KL: variants seen among roughly 807,000 people sequenced by gnomAD.
KL encodes the protein alpha-klotho.
A neutral mutation model predicts 84.2 loss-of-function variants in KL; 62 were observed. The observed-to-expected ratio is 0.74, with a 90% CI of 0.60 to 0.91. The LOEUF (loss-of-function observed/expected upper bound fraction) is 0.91. KL is among the 40% of genes least tolerant of loss of function. The probability of loss-of-function intolerance (pLI) is 0.00; values close to 1 mark genes in which losing one functional copy is unlikely to be tolerated. For synonymous variants in KL, 528 were observed against 528.0 expected, an observed-to-expected ratio of 1.00 and a Z score of 0.00; for missense variants, 1,261 against 1,305.7, an observed-to-expected ratio of 0.97 and a Z score of 0.53.
At position 33,018,931 on chromosome 13, in the gene KL, T is replaced by C. The variant is rs150902757; in HGVS notation, c.819+1672T>C. ...AAGACTTGCGTGCTCTCTGGTGCTC[T>C]GGTGTTTTAAATAATCAACATGTTT... On this transcript the variant is annotated intron_variant, in intron 1 of 4. Transcript: ENST00000380099. Among the ~76,000 whole-genome samples, 618 of 152,340 alleles carry C rather than the reference T, an allele frequency of 4.1e-3. 6 individuals are homozygous for C. Among genetic ancestry groups the C allele is most frequent in the African/African-American group, 0.014 (570 of 41,570 alleles).
intron 1 of KL, among the ~76,000 whole-genome samples, chr13:33,047,135 G>A (rs188047123): frequency 1.2e-3 from 182 of 152,124 alleles, no homozygotes; most frequent in Non-Finnish European, 4.7e-4. Context: ...TAGGTGGGTG[G>A]CATGTTCTAT....
In KL at chr13:33,061,026, C is replaced by A. The variant is rs1300533571; in HGVS notation, c.1947C>A (p.Arg649=). The change falls in exon 4 of 5, where the codon CGC becomes CGA. Residue 649 remains arginine, a synonymous_variant. Transcript: ENST00000380099. ...TGGCCCCGAACCAAGGACTGCCGCG[C>A]CTCCTGGCCAGGCAGGGCGCCTGGG... ...QPMAPNQGLP[R]LLARQGAWEN... The A allele has an allele frequency of 6.2e-7, 1 of 1,612,276 alleles. No homozygotes were observed. Among genetic ancestry groups the A allele is most frequent in the South Asian group, 1.1e-5 (1 of 90,994 alleles).
chr13:33,038,136 A>G (rs893704492), intron 1 of KL, among the ~76,000 whole-genome samples: 2 of 152,342 alleles, frequency 1.3e-5, no homozygotes, highest in East Asian at 3.9e-4. Flanking sequence ...TCACTGTCTC[A>G]GAAATTTATG....
At chr13:33,045,154 C>T (rs1280127764) in intron 1 of KL, among the ~76,000 whole-genome samples, 1 of 152,142 alleles carries the variant, frequency 6.6e-6, no homozygotes, top group Non-Finnish European at 1.5e-5. Flanking sequence ...TTGGACTGTT[C>T]ATTGCTATTG....
Position 33,064,158 on chromosome 13 carries a change from C to T in KL, c.3011C>T (p.Ser1004Leu), listed in dbSNP as rs770254221. 87 of 1,608,720 alleles carry T rather than the reference C, an allele frequency of 5.4e-5. No individual in the cohort carries two copies. Among genetic ancestry groups the T allele is most frequent in the African/African-American group, 1.6e-4 (12 of 74,676 alleles). The change falls in exon 5 of 5, where the codon TCG becomes TTG. Residue 1004 changes from serine to leucine, a missense_variant. Transcript: ENST00000380099. ...TCTCTCTCCCTTATATTTTACTACT[C>T]GAAGAAAGGCAGAAGAAGTTACAAA... The part of the protein sequence containing the change: ...IISLSLIFYY[S>L]KKGRRSYK
At chr13:33,034,314 G>T (rs904418119) in intron 1 of KL, among the ~76,000 whole-genome samples, 18 of 152,188 alleles carry the variant, frequency 1.2e-4, no homozygotes, top group Non-Finnish European at 1.6e-4. Flanking sequence ...TCATTCTCTG[G>T]GGGTGAAGAA....
At chr13:33,046,527 C>T (rs925352445) in intron 1 of KL, among the ~76,000 whole-genome samples, 5 of 151,972 alleles carry the variant, frequency 3.3e-5, no homozygotes, top group African/African-American at 1.2e-4. Flanking sequence ...CTTCTTTTCT[C>T]TTTTTTTCTC....
In KL at chr13:33,065,125, A is replaced by C. The variant is rs898831401; in HGVS notation, c.*939A>C. The C allele has an allele frequency of 4.4e-6, 1 of 225,956 alleles. No individual in the cohort carries two copies. The highest frequency in any genetic ancestry group is 6.4e-5 in the East Asian group (1 of 15,566). 14.0% of individuals were successfully genotyped at this position (225,956 alleles called of 1,614,324 possible). A position where few individuals can be genotyped will look rare whatever the true frequency, so the allele number is the denominator to read the frequency against. On this transcript the variant is annotated 3_prime_UTR_variant, in exon 5 of 5. Transcript: ENST00000380099. ...CATGACCTTTCCCTAGAGAATAAGG[A>C]TGAAATAATCACTCATTCTATGAAC...
At chr13:33,056,737 C>T (rs1439297297) in intron 3 of KL, among the ~76,000 whole-genome samples, 1 of 151,852 alleles carries the variant, frequency 6.6e-6, no homozygotes, top group African/African-American at 2.4e-5. Flanking sequence ...ACCCAGGAGG[C>T]GGAGCTTGCA....
intron 3 of KL, among the ~76,000 whole-genome samples, chr13:33,059,773 T>A (rs1236322714): frequency 6.6e-6 from 1 of 151,832 alleles, no homozygotes; most frequent in Non-Finnish European, 1.5e-5. Flanking sequence ...GCCTGGCCTC[T>A]CTCTCGGACT....
rs563988926 is a variant in KL, at chr13:33,060,198, G to A, written c.1600-481G>A. On this transcript the variant is annotated intron_variant, in intron 3 of 4. Coordinates refer to ENST00000380099, the MANE Select transcript of KL (RefSeq NM_004795.4). ...GGCCTCAAGTGACCCTCCCGCCTCGGCCTCTCAAAGTGCTGGGATTATAGG... is the reference window on the plus strand; with the variant it reads ...GGCCTCAAGTGACCCTCCCGCCTCGACCTCTCAAAGTGCTGGGATTATAGG... Among the ~76,000 whole-genome samples the A allele has an allele frequency of 9.9e-5, 15 of 152,164 alleles. 1 individual carries two copies. The South Asian group carries it at 1.9e-3, about 19-fold the overall frequency.
intron 2 of KL, among the ~76,000 whole-genome samples, chr13:33,054,803 A>T (rs567828181): frequency 5.9e-5 from 9 of 152,322 alleles, no homozygotes; most frequent in African/African-American, 1.9e-4. Context: ...TAAATAAGGA[A>T]CTATTTTTTC....
At chr13:33,049,294 A>C (rs902387850) in intron 1 of KL, among the ~76,000 whole-genome samples, 1 of 152,096 alleles carries the variant, frequency 6.6e-6, no homozygotes, top group South Asian at 2.1e-4. Context: ...AGACCCTTTG[A>C]TCTGGTTCTT....
rs1263212494 is a variant in KL at position 33,064,713 on chromosome 13, C to T, written c.*527C>T. 4.4e-6 allele frequency: 1 copy of T among 226,186 alleles called. No homozygotes were observed. Among genetic ancestry groups the T allele is most frequent in the African/African-American group, 2.2e-5 (1 of 44,886 alleles). 14.0% of individuals were successfully genotyped at this position (226,186 alleles called of 1,614,324 possible). A position where few individuals can be genotyped will look rare whatever the true frequency, so the allele number is the denominator to read the frequency against. ...AGGAGAGACGACAGAGGGTCCTAGGCTGGAATGTTCCTTTCGAAAGCAATG... is the reference window on the plus strand; with the variant it reads ...AGGAGAGACGACAGAGGGTCCTAGGTTGGAATGTTCCTTTCGAAAGCAATG... On this transcript the variant is annotated 3_prime_UTR_variant, in exon 5 of 5. Transcript: ENST00000380099.
At chr13:33,024,175 T>G (rs1870674659) in intron 1 of KL, among the ~76,000 whole-genome samples, 1 of 152,224 alleles carries the variant, frequency 6.6e-6, no homozygotes, top group African/African-American at 2.4e-5. Context: ...GTACGTTTTG[T>G]TCTTCCTAGA....
rs528826951 is a variant in KL, at chr13:33,016,527, C to T, written c.87C>T (p.Arg29=). The change falls in exon 1 of 5, where the codon CGC becomes CGT. Residue 29 remains arginine (R), a synonymous_variant. Transcript: ENST00000380099. Reference sequence around the variant, plus strand: ...TGGTGCTGCTGGGCCTGGGCGGCCGCCGCCTGCGTGCGGAGCCGGGCGACG... The same window carrying T: ...TGGTGCTGCTGGGCCTGGGCGGCCGTCGCCTGCGTGCGGAGCCGGGCGACG... ...LLLVLLGLGG[R]RLRAEPGDGA... 1.2e-3 allele frequency: 1,596 copies of T among 1,345,608 alleles called. 16 individuals carry two copies. The African/African-American group carries it at 0.022, about 19-fold the overall frequency. The allele number at this position is 1,345,608 out of a possible 1,614,324, so 83.4% of individuals were successfully genotyped here.
At chr13:33,028,765 TCTTA>T (rs1461844294) in intron 1 of KL, among the ~76,000 whole-genome samples, 11 of 152,174 alleles carry the variant, frequency 7.2e-5, no homozygotes, top group Non-Finnish European at 1.3e-4. Flanking sequence ...AGGAAAACAG[TCTTA>T]CTTACTACAT....
At chr13:33,054,394 T>C (rs1461677377) in intron 2 of KL, 117 bp downstream of exon 2, 5 of 1,104,888 alleles carry the variant, frequency 4.5e-6, no homozygotes, top group Non-Finnish European at 6.7e-6. Flanking sequence ...GAGACATTCA[T>C]TTTGGCAATA....
Position 33,060,978 on chromosome 13 carries a change from A to C in KL, c.1899A>C (p.Pro633=). Residue 633 remains proline, a synonymous_variant, in exon 4 of 5, where the codon CCA becomes CCC. Coordinates refer to ENST00000380099, the MANE Select transcript of KL (RefSeq NM_004795.4). ...AGCTTGTCCGTGTCAACATCACCCC[A>C]GTGGTGGCCCTGTGGCAGCCTATGG... ...ASELVRVNIT[P]VVALWQPMAP... The C allele has an allele frequency of 6.2e-7, 1 of 1,612,710 alleles. No homozygotes were observed. The highest frequency in any genetic ancestry group is 8.5e-7 in the Non-Finnish European group (1 of 1,178,938).
Sources: allele counts gnomAD v4.1 joint callset (sites outside exome capture counted in the v4.1 genomes callset), GRCh38; gene constraint gnomAD v4.1.1; transcripts MANE v1.5; gene names NCBI Gene and HGNC (gene_info 2026-07-23, HGNC 2026-07-21).